The following SORCS1 variants were observed in gnomAD, a reference collection of about 807,000 sequenced individuals.
SORCS1 encodes the protein sortilin related VPS10 domain containing receptor 1, also known as VPS10 domain-containing receptor SorCS1.
A neutral mutation model predicts 146.1 loss-of-function variants in SORCS1; 60 were observed. That is an observed-to-expected ratio of 0.41 (90% CI 0.33 to 0.51). The LOEUF (loss-of-function observed/expected upper bound fraction) is 0.51. Among genes scored for constraint, SORCS1 ranks in the 20% least tolerant of loss-of-function variants. The pLI, the probability that SORCS1 is intolerant of heterozygous loss-of-function variation, is 0.21. For missense variants in SORCS1, 1,352 were observed against 1,487.6 expected (o/e 0.91, Z 1.50); for synonymous variants, 637 against 584.0 (o/e 1.09, Z -1.31).
intron 9 of SORCS1, among the ~76,000 whole-genome samples, chr10:106,693,452 G>A (rs550413542): frequency 6.6e-6 from 1 of 152,264 alleles, no homozygotes; most frequent in Admixed American, 6.5e-5. Context: ...TGGCCTGAGA[G>A]AAATATCGTA....
At chr10:107,030,164 G>A (rs1021553443) in intron 1 of SORCS1, among the ~76,000 whole-genome samples, 3 of 152,200 alleles carry the variant, frequency 2.0e-5, no homozygotes, top group African/African-American at 7.2e-5. Context: ...CTTTTGTTGG[G>A]TCGAGTGCCA....
chr10:107,095,714 G>T (rs1448134037), intron 1 of SORCS1, among the ~76,000 whole-genome samples: 1 of 152,010 alleles, frequency 6.6e-6, no homozygotes, highest in African/African-American at 2.4e-5. Flanking sequence ...TGATTTATCA[G>T]TGCTGAATTT....
the SORCS1 span, among the ~76,000 whole-genome samples, chr10:107,177,865 C>T: frequency 6.6e-6 from 1 of 151,994 alleles, no homozygotes; most frequent in Admixed American, 6.5e-5. Flanking sequence ...ATGGATGGAG[C>T]TGAAAGCCAT....
At chr10:106,806,373 TAAAATAAAATA>T (rs1173546026) in intron 3 of SORCS1, among the ~76,000 whole-genome samples, 12 of 123,498 alleles carry the variant, frequency 9.7e-5, no homozygotes, top group African/African-American at 3.7e-4. Flanking sequence ...TCCTCAAAAA[TAAAATAAAATA>T]AAAATAAAAT....
intron 2 of SORCS1, among the ~76,000 whole-genome samples, chr10:106,937,855 T>C (rs1953825431): frequency 6.6e-6 from 1 of 151,394 alleles, no homozygotes; most frequent in South Asian, 2.1e-4. Context: ...TCCCCACTAC[T>C]TGGGAGGCTG....
intron 1 of SORCS1, among the ~76,000 whole-genome samples, chr10:107,159,570 A>T (rs926364155): frequency 2.6e-5 from 4 of 152,138 alleles, no homozygotes; most frequent in African/African-American, 9.7e-5. Flanking sequence ...CTCCTGAGGA[A>T]AAAACCTCCG....
the SORCS1 span, among the ~76,000 whole-genome samples, chr10:107,170,360 A>G: frequency 6.6e-6 from 1 of 152,206 alleles, no homozygotes; most frequent in Non-Finnish European, 1.5e-5. Flanking sequence ...TTGTTGCTTC[A>G]GGAATACTGA....
chr10:107,154,424 T>C (rs957383006), intron 1 of SORCS1, among the ~76,000 whole-genome samples: 6 of 152,202 alleles, frequency 3.9e-5, no homozygotes, highest in Non-Finnish European at 8.8e-5. Flanking sequence ...GTGGACAGTT[T>C]CCCACTTAAA....
At chr10:107,142,184 G>A (rs764577615) in intron 1 of SORCS1, among the ~76,000 whole-genome samples, 2 of 152,182 alleles carry the variant, frequency 1.3e-5, no homozygotes, top group Non-Finnish European at 2.9e-5. Flanking sequence ...TGGTTTCCAA[G>A]TGCAGCCTTT....
intron 3 of SORCS1, among the ~76,000 whole-genome samples, chr10:106,794,958 G>T (rs1034954867): frequency 1.3e-5 from 2 of 152,166 alleles, no homozygotes; most frequent in Admixed American, 6.5e-5. Context: ...CCCCAATTCT[G>T]CTCACTCACA....
At chr10:106,863,479 C>T (rs192441374) in intron 2 of SORCS1, among the ~76,000 whole-genome samples, 5 of 149,328 alleles carry the variant, frequency 3.3e-5, no homozygotes, top group East Asian at 3.9e-4. Context: ...AAGCTGAGAT[C>T]GTACCACTGT....
chr10:107,076,295 T>C (rs1469169034), intron 1 of SORCS1, among the ~76,000 whole-genome samples: 1 of 152,084 alleles, frequency 6.6e-6, no homozygotes, highest in Admixed American at 6.5e-5. Flanking sequence ...CATGTTAAAG[T>C]CTCCAAAGTC....
intron 1 of SORCS1, among the ~76,000 whole-genome samples, chr10:107,016,973 CTAAT>C (rs1356834013): frequency 1.3e-5 from 2 of 152,168 alleles, no homozygotes; most frequent in Non-Finnish European, 2.9e-5. Context: ...TCTGTACATA[CTAAT>C]TAGACTAGCA....
chr10:106,598,853 C>A (rs1564760322), intron 23 of SORCS1, among the ~76,000 whole-genome samples: 1 of 152,158 alleles, frequency 6.6e-6, no homozygotes, highest in Non-Finnish European at 1.5e-5. Flanking sequence ...TGAACTGCCC[C>A]ACAGATAAAC....
At chr10:106,817,415 G>C (rs563956067) in intron 3 of SORCS1, among the ~76,000 whole-genome samples, 1 of 152,210 alleles carries the variant, frequency 6.6e-6, no homozygotes, top group South Asian at 2.1e-4. Flanking sequence ...TGGAACACCA[G>C]GCCCCTCCTG....
chr10:106,803,002 C>G (rs569007249), intron 3 of SORCS1, among the ~76,000 whole-genome samples: 1 of 152,310 alleles, frequency 6.6e-6, no homozygotes, highest in East Asian at 1.9e-4. Flanking sequence ...AAGGAAAGAA[C>G]TATCCTTTAG....
intron 5 of SORCS1, among the ~76,000 whole-genome samples, chr10:106,736,680 C>T (rs1257944569): frequency 1.5e-5 from 2 of 133,616 alleles, no homozygotes; most frequent in Non-Finnish European, 3.3e-5. Flanking sequence ...AGCCTGAGGT[C>T]TCGTCTGCGT....
intron 1 of SORCS1, among the ~76,000 whole-genome samples, chr10:107,145,427 T>C (rs1393477070): frequency 2.0e-5 from 3 of 152,238 alleles, no homozygotes; most frequent in Non-Finnish European, 4.4e-5. Flanking sequence ...AACCATTTAT[T>C]ATCCTGGTTT....
At chr10:107,105,440 G>A (rs932261965) in intron 1 of SORCS1, among the ~76,000 whole-genome samples, 7 of 152,206 alleles carry the variant, frequency 4.6e-5, no homozygotes, top group African/African-American at 1.4e-4. Context: ...CCATCTGCAA[G>A]GTGAGGAGCA....
Sources: allele counts gnomAD v4.1 joint callset (sites outside exome capture counted in the v4.1 genomes callset), GRCh38; gene constraint gnomAD v4.1.1; transcripts MANE v1.5; gene names NCBI Gene and HGNC (gene_info 2026-07-23, HGNC 2026-07-21).